Variants in DIAPH2 observed in about 807,000 individuals in gnomAD.
The protein encoded by DIAPH2 is protein diaphanous homolog 2.
Under a neutral mutation model 92.7 loss-of-function variants are expected in DIAPH2, and 35 were observed. That is an observed-to-expected ratio of 0.38 (90% CI 0.29 to 0.50). DIAPH2 has a LOEUF of 0.50. Ranked by LOEUF, DIAPH2 falls within the 20% of genes least tolerant of loss-of-function variation. DIAPH2 has a pLI of 0.94. For synonymous variants in DIAPH2, 301 were observed against 280.4 expected, an observed-to-expected ratio of 1.07 and a Z score of -0.73; for missense variants, 701 against 819.5, an observed-to-expected ratio of 0.86 and a Z score of 1.77.
chrX:96,862,075 C>T (rs1261055216), intron 4 of DIAPH2, among the ~76,000 whole-genome samples: 1 of 111,595 alleles, frequency 9.0e-6, no homozygotes, highest in Admixed American at 9.6e-5. Flanking sequence ...ATGTGCTACC[C>T]TAATACCCCA....
chrX:96,887,341 T>C (rs772594721), intron 5 of DIAPH2, among the ~76,000 whole-genome samples: 3 of 111,620 alleles, frequency 2.7e-5, no homozygotes, highest in South Asian at 3.8e-4. Context: ...ACTTGGCTAA[T>C]ATCCCCTTTC....
At chrX:97,026,937 G>A (rs757752426) in intron 17 of DIAPH2, among the ~76,000 whole-genome samples, 1 of 111,831 alleles carries the variant, frequency 8.9e-6, no homozygotes, top group South Asian at 3.7e-4. Flanking sequence ...CAAAAAACAG[G>A]TGATTCTAAT....
chrX:96,836,176 G>A (rs1215769610), intron 4 of DIAPH2, among the ~76,000 whole-genome samples: 1 of 109,078 alleles, frequency 9.2e-6, no homozygotes, highest in Non-Finnish European at 1.9e-5. Context: ...TTCTTTAGTG[G>A]TGATTTTTAG....
chrX:97,104,746 T>A (rs2066927816), intron 20 of DIAPH2, among the ~76,000 whole-genome samples: 1 of 111,517 alleles, frequency 9.0e-6, no homozygotes. Flanking sequence ...ATTATATAAC[T>A]TCTTAGATGA....
chrX:97,268,913 G>C (rs1287777485), intron 23 of DIAPH2, among the ~76,000 whole-genome samples: 4 of 97,571 alleles, frequency 4.1e-5, no homozygotes, highest in African/African-American at 1.6e-4. Flanking sequence ...CTGGAGTGCA[G>C]TGGTGCAATC....
intron 23 of DIAPH2, among the ~76,000 whole-genome samples, chrX:97,313,046 G>A (rs2068810221): frequency 9.1e-6 from 1 of 110,335 alleles, no homozygotes; most frequent in South Asian, 4.0e-4. Context: ...TTAGCCGGGC[G>A]TGGTGGCGGG....
chrX:97,148,181 A>C (rs1393619141), intron 22 of DIAPH2, among the ~76,000 whole-genome samples: 1 of 111,606 alleles, frequency 9.0e-6, no homozygotes, highest in Non-Finnish European at 1.9e-5. Context: ...ATAGCTGGGC[A>C]GTAGAGTCCA....
chrX:96,804,792 A>G (rs1344013472), intron 4 of DIAPH2, among the ~76,000 whole-genome samples: 2 of 111,945 alleles, frequency 1.8e-5, no homozygotes, highest in Admixed American at 9.5e-5. Context: ...TAAATAAATG[A>G]TAACTATCAT....
chrX:96,919,622 T>A (rs766508256), intron 9 of DIAPH2, among the ~76,000 whole-genome samples: 1 of 111,871 alleles, frequency 8.9e-6, no homozygotes, highest in African/African-American at 3.2e-5. Context: ...ATTAATTTTT[T>A]ATGTATTATG....
At chrX:96,882,963 AAAAAAAAAAAAAAAAAAAAAC>A (rs1413367670) in intron 5 of DIAPH2, among the ~76,000 whole-genome samples, 1 of 73,507 alleles carries the variant, frequency 1.4e-5, no homozygotes, top group East Asian at 3.8e-4. Context: ...TGTCTCCAAA[AAAAAAAAAAAAAAAAAAAAAC>A]AAAAAAACAA....
At chrX:97,301,635 G>C (rs1398208599) in intron 23 of DIAPH2, among the ~76,000 whole-genome samples, 1 of 111,545 alleles carries the variant, frequency 9.0e-6, no homozygotes, top group African/African-American at 3.3e-5. Context: ...CCAGAGATTT[G>C]TGGGACCAAA....
At chrX:97,285,383 C>CAAAAAA (rs11336007) in intron 23 of DIAPH2, among the ~76,000 whole-genome samples, 11 of 38,121 alleles carry the variant, frequency 2.9e-4, no homozygotes, top group South Asian at 3.6e-3. Flanking sequence ...ACTAAAAATA[C>CAAAAAA]AAAAAAAAAA....
intron 4 of DIAPH2, among the ~76,000 whole-genome samples, chrX:96,831,159 T>C (rs927641094): frequency 9.0e-6 from 1 of 111,396 alleles, no homozygotes; most frequent in Non-Finnish European, 1.9e-5. Flanking sequence ...TTTCCCTAGG[T>C]TTTTTACGTG....
intron 26 of DIAPH2, among the ~76,000 whole-genome samples, chrX:97,479,347 G>C (rs1295194891): frequency 9.0e-6 from 1 of 111,545 alleles, no homozygotes; most frequent in Non-Finnish European, 1.9e-5. Flanking sequence ...CATGCCCCAG[G>C]AAAAGAAAGG....
intron 17 of DIAPH2, among the ~76,000 whole-genome samples, chrX:97,052,985 G>T (rs1244379347): frequency 9.0e-6 from 1 of 111,101 alleles, no homozygotes; most frequent in East Asian, 2.8e-4. Context: ...TATCAGAGAA[G>T]ATTTTTACTT....
intron 4 of DIAPH2, among the ~76,000 whole-genome samples, chrX:96,845,600 G>A (rs1166579427): frequency 8.9e-6 from 1 of 112,046 alleles, no homozygotes; most frequent in Non-Finnish European, 1.9e-5. Context: ...ATGTAGGGAA[G>A]CAGGAAACTC....
intron 5 of DIAPH2, among the ~76,000 whole-genome samples, chrX:96,910,910 C>T (rs829290): frequency 0.34 from 37,497 of 109,905 alleles, 5,838 homozygotes; most frequent in South Asian, 0.51. Context: ...CTCATTTGAT[C>T]GGAGGAATTA....
intron 17 of DIAPH2, among the ~76,000 whole-genome samples, chrX:97,005,006 T>C (rs1313939408): frequency 8.9e-6 from 1 of 111,816 alleles, no homozygotes; most frequent in Admixed American, 9.5e-5. Context: ...TGGGTTTTTA[T>C]CATGAAGGGA....
chrX:96,702,778 T>A (rs2063863053), intron 1 of DIAPH2, among the ~76,000 whole-genome samples: 1 of 111,778 alleles, frequency 8.9e-6, no homozygotes, highest in African/African-American at 3.3e-5. Flanking sequence ...TTGATAGAGT[T>A]CTGGTAAGGG....
Sources: allele counts gnomAD v4.1 joint callset (sites outside exome capture counted in the v4.1 genomes callset), GRCh38; gene constraint gnomAD v4.1.1; transcripts MANE v1.5; gene names NCBI Gene and HGNC (gene_info 2026-07-23, HGNC 2026-07-21).